GALNT9: variants seen among roughly 807,000 people sequenced by gnomAD.
GALNT9 encodes the protein GalNAc transferase 9.
GALNT9 carries 47 observed loss-of-function variants against 63.1 expected under a neutral mutation model. That is an observed-to-expected ratio of 0.75 (90% CI 0.59 to 0.95). GALNT9 has a LOEUF of 0.95. GALNT9 is among the 40% of genes least tolerant of loss of function. The pLI is 0.00. For missense variants in GALNT9, 829 were observed against 874.8 expected (o/e 0.95, Z 0.66); for synonymous variants, 396 against 365.7 (o/e 1.08, Z -0.94).
chr12:132,207,147 G>A (rs879279364), intron 6 of GALNT9, among the ~76,000 whole-genome samples: 8 of 152,160 alleles, frequency 5.3e-5, no homozygotes, highest in African/African-American at 9.7e-5. Context: ...GTTTAGAGCC[G>A]CCGTCCTTGC....
intron 1 of GALNT9, among the ~76,000 whole-genome samples, chr12:132,302,246 A>ACACACG (rs1881324801): frequency 6.6e-6 from 1 of 151,682 alleles, no homozygotes; most frequent in Non-Finnish European, 1.5e-5. Context: ...ACACACACAC[A>ACACACG]CACACACACA....
At chr12:132,241,054 T>C (rs1878301957) in intron 6 of GALNT9, among the ~76,000 whole-genome samples, 1 of 135,526 alleles carries the variant, frequency 7.4e-6, no homozygotes, top group African/African-American at 2.9e-5. Flanking sequence ...GGGCCCTCCC[T>C]ATACCCATTA....
chr12:132,240,793 T>G (rs1414570418), intron 6 of GALNT9: 3 of 447,696 alleles, frequency 6.7e-6, no homozygotes, highest in Admixed American at 4.7e-5. Flanking sequence ...TATACATGTT[T>G]ACACACATGC....
chr12:132,260,007 CCCTG>C (rs1879309802), intron 4 of GALNT9, among the ~76,000 whole-genome samples: 1 of 74,498 alleles, frequency 1.3e-5, no homozygotes, highest in Non-Finnish European at 4.6e-5. Flanking sequence ...GGGGAACACA[CCCTG>C]AGCATTGTGG....
At chr12:132,254,073 G>C (rs1879025545) in intron 5 of GALNT9, among the ~76,000 whole-genome samples, 1 of 151,446 alleles carries the variant, frequency 6.6e-6, no homozygotes, top group South Asian at 2.1e-4. Flanking sequence ...CCAGGCTGGA[G>C]TGCAATGGCA....
chr12:132,307,901 T>C (rs540225227), intron 1 of GALNT9, among the ~76,000 whole-genome samples: 2 of 151,186 alleles, frequency 1.3e-5, no homozygotes, highest in South Asian at 4.2e-4. Context: ...CTGGGCGCAG[T>C]GGCTCACACC....
intron 2 of GALNT9, among the ~76,000 whole-genome samples, chr12:132,285,524 C>T (rs1475805721): frequency 7.2e-5 from 11 of 152,260 alleles, no homozygotes; most frequent in Admixed American, 2.0e-4. Context: ...GGCCAGGGCC[C>T]GGCTCCTGAT....
intron 2 of GALNT9, among the ~76,000 whole-genome samples, chr12:132,270,632 AG>A (rs1879828902): frequency 1.3e-5 from 2 of 152,340 alleles, no homozygotes; most frequent in South Asian, 4.1e-4. Flanking sequence ...CTGAGGTCCC[AG>A]GTGGAGCTGT....
intron 5 of GALNT9, 96 bp downstream of exon 5, chr12:132,257,593 C>CA: frequency 1.1e-6 from 1 of 915,026 alleles, no homozygotes; most frequent in South Asian, 1.6e-5. Flanking sequence ...CCCTCGTCCC[C>CA]GGCCCTCATC....
Position 132,197,026 on chromosome 12 carries a change from C to T in GALNT9, c.*81G>A, listed in dbSNP as rs114407037. On this transcript the variant is annotated 3_prime_UTR_variant, in exon 11 of 11. Transcript: ENST00000328957. ...TAGAGCCCTGTCCTGCTGTGTCTGC[C>T]GGGCACACCCCGGTCACTCAGCCAC... is the stretch of plus-strand genomic sequence containing the variant. 9.5e-4 allele frequency: 1,499 copies of T among 1,576,254 alleles called. 16 individuals are homozygous for T. In the African/African-American group the frequency reaches 0.017, roughly 17 times the overall value.
intron 6 of GALNT9, chr12:132,240,494 G>A (rs2136898352): frequency 1.7e-5 from 7 of 408,158 alleles, no homozygotes; most frequent in African/African-American, 2.1e-5. Flanking sequence ...CTCGGACCCC[G>A]GGCGGCACTC....
intron 8 of GALNT9, among the ~76,000 whole-genome samples, chr12:132,199,878 C>T (rs1875871249): frequency 6.6e-6 from 1 of 151,876 alleles, no homozygotes; most frequent in African/African-American, 2.4e-5. Flanking sequence ...TGCTTTTGTC[C>T]ACCGCGTCTC....
At chr12:132,240,543 G>C (rs2136898548) in intron 6 of GALNT9, 1 of 442,730 alleles carries the variant, frequency 2.3e-6, no homozygotes, top group African/African-American at 2.0e-5. Context: ...GCCTGGCGTG[G>C]CCCCAGGGCT....
intron 6 of GALNT9, among the ~76,000 whole-genome samples, chr12:132,225,567 C>T (rs1056147191): frequency 1.2e-4 from 18 of 147,616 alleles, no homozygotes; most frequent in South Asian, 1.1e-3. Flanking sequence ...TACATACACA[C>T]CCCACACAAC....
chr12:132,297,739 C>T (rs1255027959), intron 1 of GALNT9, among the ~76,000 whole-genome samples: 4 of 151,992 alleles, frequency 2.6e-5, no homozygotes, highest in Non-Finnish European at 5.9e-5. Context: ...AACCAACACA[C>T]TCCCATGAAA....
At chr12:132,243,284 A>T (rs372674430) in intron 6 of GALNT9, among the ~76,000 whole-genome samples, 1 of 28,586 alleles carries the variant, frequency 3.5e-5, no homozygotes, top group South Asian at 1.1e-3. Context: ...CACAACACAC[A>T]CTTCCCGGGG....
intron 9 of GALNT9, among the ~76,000 whole-genome samples, chr12:132,198,427 C>CAGGGCTGGGGCT (rs1875711625): frequency 6.6e-6 from 1 of 151,136 alleles, no homozygotes; most frequent in Admixed American, 6.6e-5. Context: ...TGTGATTCTG[C>CAGGGCTGGGGCT]GGGGCTGGGG....
rs922021732 is a variant in GALNT9 at position 132,310,200 on chromosome 12, G to A, written c.238+18766C>T. Among the ~76,000 whole-genome samples, 4 of 152,234 alleles carry A rather than the reference G, an allele frequency of 2.6e-5. No individual in the cohort carries two copies. Among genetic ancestry groups the A allele is most frequent in the African/African-American group, 4.8e-5 (2 of 41,452 alleles). The stretch of plus-strand genomic sequence containing the variant: ...CCTCCAGCAGGAGGGGAGGAGCTGG[G>A]ATTCACGTGGGGCTGGGCTTGTGAG... On this transcript the variant is annotated intron_variant, in intron 1 of 10. Coordinates refer to ENST00000328957, the MANE Select transcript of GALNT9 (RefSeq NM_001122636.2). The surrounding 1 kb of genome is among the most constrained non-coding windows in gnomAD (Gnocchi z 4.8).
chr12:132,313,104 T>TCCATCCAC (rs1239395423), intron 1 of GALNT9, among the ~76,000 whole-genome samples: 1 of 117,268 alleles, frequency 8.5e-6, no homozygotes, highest in Non-Finnish European at 1.8e-5. Flanking sequence ...CACTCACCCA[T>TCCATCCAC]CCATCCACCC....
Sources: allele counts gnomAD v4.1 joint callset (sites outside exome capture counted in the v4.1 genomes callset), GRCh38; gene constraint gnomAD v4.1.1; non-coding constraint Gnocchi (gnomAD v3.1); transcripts MANE v1.5; gene names NCBI Gene and HGNC (gene_info 2026-07-23, HGNC 2026-07-21).